The following CDH4 variants were observed in gnomAD, a reference collection of about 807,000 sequenced individuals.
The protein encoded by CDH4 is cadherin 4.
A neutral mutation model predicts 86.0 loss-of-function variants in CDH4; 33 were observed. The observed-to-expected ratio is 0.38, with a 90% CI of 0.29 to 0.51. CDH4 has a LOEUF of 0.51. Ranked by LOEUF, CDH4 falls within the 20% of genes least tolerant of loss-of-function variation. The pLI is 0.86. For missense variants in CDH4, 1,114 were observed against 1,307.4 expected (o/e 0.85, Z 2.28); for synonymous variants, 555 against 549.4 (o/e 1.01, Z -0.14).
chr20:61,595,612 G>GC (rs975764329), intron 2 of CDH4, among the ~76,000 whole-genome samples: 4 of 152,216 alleles, frequency 2.6e-5, no homozygotes, highest in African/African-American at 9.6e-5. Flanking sequence ...TTTAGAAAAT[G>GC]TTTTTGTTGA....
chr20:61,554,278 G>A (rs963223157), intron 2 of CDH4, among the ~76,000 whole-genome samples: 1 of 152,140 alleles, frequency 6.6e-6, no homozygotes, highest in Non-Finnish European at 1.5e-5. Flanking sequence ...GCTCCCGTAG[G>A]TGAATCGGAC....
chr20:61,926,522 G>A (rs1391383447), intron 11 of CDH4, among the ~76,000 whole-genome samples: 4 of 152,202 alleles, frequency 2.6e-5, no homozygotes, highest in South Asian at 2.1e-4. Context: ...CAGGGGAAGC[G>A]TCTCCCCTTG....
intron 2 of CDH4, among the ~76,000 whole-genome samples, chr20:61,423,137 C>G (rs1293725775): frequency 6.6e-6 from 1 of 152,072 alleles, no homozygotes; most frequent in Non-Finnish European, 1.5e-5. Flanking sequence ...GGGAGGGATG[C>G]TGGAAGCACA....
chr20:61,747,445 CAAAAAA>C (rs11302958), intron 3 of CDH4, among the ~76,000 whole-genome samples: 4 of 75,504 alleles, frequency 5.3e-5, no homozygotes, highest in Non-Finnish European at 8.4e-5. Flanking sequence ...GACTCTGTCT[CAAAAAA>C]AAAAAAAAAA....
At position 61,427,389 on chromosome 20, in the gene CDH4, T is replaced by C. The variant is rs559170394; in HGVS notation, c.169+172452T>C. Among the ~76,000 whole-genome samples the C allele has an allele frequency of 2.4e-4, 36 of 152,338 alleles. 1 individual carries two copies. In the South Asian group the frequency reaches 7.5e-3, roughly 32 times the overall value. On this transcript the variant is annotated intron_variant, in intron 2 of 15. Coordinates refer to ENST00000614565, the MANE Select transcript of CDH4 (RefSeq NM_001794.5). ...CAAAGGCCAGAGGCATTAGCAATTTTTCTGCAGGGGTTTTTAGAGGCTGTG... is the reference window on the plus strand; with the variant it reads ...CAAAGGCCAGAGGCATTAGCAATTTCTCTGCAGGGGTTTTTAGAGGCTGTG...
chr20:61,273,436 G>A (rs1442684843), intron 2 of CDH4, among the ~76,000 whole-genome samples: 19 of 75,490 alleles, frequency 2.5e-4, no homozygotes, highest in Non-Finnish European at 3.1e-4. Context: ...GTTTGGGGGA[G>A]GACCATGTGC....
At chr20:61,408,919 G>A (rs753603908) in intron 2 of CDH4, among the ~76,000 whole-genome samples, 7 of 152,180 alleles carry the variant, frequency 4.6e-5, no homozygotes, top group Non-Finnish European at 7.3e-5. Flanking sequence ...CTGGGACTGG[G>A]TCCTACACAC....
chr20:61,670,952 A>C (rs1273902333), intron 2 of CDH4, among the ~76,000 whole-genome samples: 1 of 151,636 alleles, frequency 6.6e-6, no homozygotes, highest in African/African-American at 2.4e-5. Flanking sequence ...ACTCAGCCCT[A>C]AAAAACCTGT....
chr20:61,670,812 C>T (rs753112922), intron 2 of CDH4, among the ~76,000 whole-genome samples: 32 of 152,104 alleles, frequency 2.1e-4, no homozygotes, highest in Middle Eastern at 3.4e-3. Flanking sequence ...CCTGTTGATA[C>T]GGGATAGAAA....
At chr20:61,563,414 CCTT>C (rs2086237372) in intron 2 of CDH4, among the ~76,000 whole-genome samples, 2 of 152,342 alleles carry the variant, frequency 1.3e-5, no homozygotes, top group South Asian at 4.1e-4. Context: ...ATGTCTCCCT[CCTT>C]CTCCCTCACT....
chr20:61,511,057 T>G (rs925037308), intron 2 of CDH4, among the ~76,000 whole-genome samples: 7 of 152,218 alleles, frequency 4.6e-5, no homozygotes, highest in African/African-American at 1.7e-4. Context: ...ATGCCATTCA[T>G]GACAGATCCA....
intron 2 of CDH4, among the ~76,000 whole-genome samples, chr20:61,596,045 G>C (rs1600792387): frequency 6.6e-6 from 1 of 152,250 alleles, no homozygotes; most frequent in Non-Finnish European, 1.5e-5. Context: ...GGAACACACA[G>C]CTTCTCCATG....
intron 2 of CDH4, among the ~76,000 whole-genome samples, chr20:61,263,071 T>TA (rs1413955520): frequency 1.3e-5 from 2 of 152,110 alleles, no homozygotes; most frequent in South Asian, 2.1e-4. Flanking sequence ...AATTCCACTA[T>TA]AAAAAATACC....
chr20:61,565,220 G>C lies in CDH4; in HGVS notation c.170-178343G>C, dbSNP rs1233614129. On this transcript the variant is annotated intron_variant, in intron 2 of 15. Coordinates refer to ENST00000614565, the MANE Select transcript of CDH4 (RefSeq NM_001794.5). The stretch of plus-strand genomic sequence containing the variant: ...GGTGGTGGTCGCGGTGCTCTCGGTG[G>C]TAGGTGGTGGTGGTGGTGGTGGCGG... 1.1e-4 allele frequency among the ~76,000 whole-genome samples: 6 copies of C among 52,638 alleles called. 1 individual carries two copies. The highest frequency in any genetic ancestry group is 2.6e-4 in the Non-Finnish European group (6 of 23,212). The allele number at this position is 52,638 out of a possible 152,430, so 34.5% of individuals were successfully genotyped here.
At chr20:61,758,283 A>G (rs772894013) in intron 3 of CDH4, among the ~76,000 whole-genome samples, 2 of 152,170 alleles carry the variant, frequency 1.3e-5, no homozygotes, top group Non-Finnish European at 2.9e-5. Flanking sequence ...TTCCAGACAG[A>G]GGGAACAGCA....
intron 9 of CDH4, among the ~76,000 whole-genome samples, chr20:61,917,692 C>T (rs1259408912): frequency 1.3e-5 from 2 of 152,266 alleles, no homozygotes; most frequent in East Asian, 1.9e-4. Context: ...CTCAGGCACA[C>T]GCCCAGCTGC....
chr20:61,806,227 C>G (rs1213861467), intron 4 of CDH4, among the ~76,000 whole-genome samples: 1 of 152,238 alleles, frequency 6.6e-6, no homozygotes, highest in African/African-American at 2.4e-5. Flanking sequence ...CAGAGCCAGG[C>G]GTCGTGGCCT....
In CDH4 at chr20:61,681,364, C is replaced by G. The variant is rs2087511124; in HGVS notation, c.170-62199C>G. Among the ~76,000 whole-genome samples the G allele has an allele frequency of 6.6e-6, 1 of 152,054 alleles. No individual in the cohort carries two copies. Among genetic ancestry groups the G allele is most frequent in the Admixed American group, 6.6e-5 (1 of 15,256 alleles). ...TAAATTGTTAAGATTTTCTGCCACG[C>G]ATAAAAATGAGGCTGAAATCACCCA... is the stretch of plus-strand genomic sequence containing the variant. On this transcript the variant is annotated intron_variant, in intron 2 of 15. Transcript: ENST00000614565. The surrounding 1 kb of genome is among the most constrained non-coding windows in gnomAD (Gnocchi z 4.5).
In CDH4 at chr20:61,565,318, G is replaced by A. The variant is rs533465076; in HGVS notation, c.170-178245G>A. On this transcript the variant is annotated intron_variant, in intron 2 of 15. Transcript: ENST00000614565. ...TGGTGGCGGTGCTCTTGGTGGTGGC[G>A]GTGCTCTTGGTGATGGTGGTAGTGG... 7.1e-5 allele frequency among the ~76,000 whole-genome samples: 7 copies of A among 98,126 alleles called. 2 individuals carry two copies. The highest frequency in any genetic ancestry group is 2.0e-4 in the Admixed American group (2 of 9,876). 64.4% of individuals were successfully genotyped at this position (98,126 alleles called of 152,430 possible).
Sources: gnomAD v4.1 joint callset for allele counts (sites outside exome capture counted in the v4.1 genomes callset) on GRCh38, gnomAD v4.1.1 for gene constraint, Gnocchi (gnomAD v3.1) non-coding constraint, MANE v1.5 for transcripts, NCBI Gene and HGNC (gene_info 2026-07-23, HGNC 2026-07-21) for gene names.